SUCLG2: variants seen among roughly 807,000 people sequenced by gnomAD.
SUCLG2 encodes the protein succinate--CoA ligase [GDP-forming] subunit beta, mitochondrial.
Under a neutral mutation model 47.9 loss-of-function variants are expected in SUCLG2, and 42 were observed. That is an observed-to-expected ratio of 0.88 (90% confidence interval 0.69 to 1.14). The LOEUF is 1.14. Ranked by LOEUF, SUCLG2 falls within the 50% of genes most tolerant of loss-of-function variation. The pLI is 0.00. For missense variants in SUCLG2, 571 were observed against 525.9 expected (o/e 1.09, Z -0.84); for synonymous variants, 195 against 197.3 (o/e 0.99, Z 0.10).
chr3:67,650,254 TA>T (rs1388791719), intron 1 of SUCLG2, among the ~76,000 whole-genome samples: 3 of 152,242 alleles, frequency 2.0e-5, no homozygotes, highest in Non-Finnish European at 4.4e-5. Flanking sequence ...AACTTGCCCA[TA>T]ACCTTTAGTC....
At chr3:67,559,564 C>T (rs965022647) in intron 2 of SUCLG2, among the ~76,000 whole-genome samples, 4 of 152,126 alleles carry the variant, frequency 2.6e-5, no homozygotes, top group African/African-American at 9.7e-5. Context: ...CAAATTCCTC[C>T]CTCCATACAG....
At chr3:67,491,885 C>T (rs976519821) in intron 9 of SUCLG2, among the ~76,000 whole-genome samples, 5 of 152,134 alleles carry the variant, frequency 3.3e-5, no homozygotes, top group African/African-American at 1.2e-4. Context: ...GAGGTAAGTA[C>T]TGCTATTATT....
chr3:67,612,714 C>T lies in SUCLG2; in HGVS notation c.85-3118G>A, dbSNP rs116018044. On this transcript the variant is annotated intron_variant, in intron 1 of 10. Coordinates refer to ENST00000307227, the MANE Select transcript of SUCLG2 (RefSeq NM_003848.4). Reference sequence around the variant, plus strand: ...TACTTCAGCTGAAGTTAGGCGATGCCGTATCTACTACCTAGAGTTAGCACC... The same window carrying T: ...TACTTCAGCTGAAGTTAGGCGATGCTGTATCTACTACCTAGAGTTAGCACC... 2.9e-3 allele frequency among the ~76,000 whole-genome samples: 449 copies of T among 152,268 alleles called. 1 individual carries two copies. The highest frequency in any genetic ancestry group is 0.011 in the African/African-American group (441 of 41,550).
intron 6 of SUCLG2, among the ~76,000 whole-genome samples, chr3:67,515,368 T>G (rs1418134348): frequency 6.6e-6 from 1 of 152,194 alleles, no homozygotes; most frequent in Non-Finnish European, 1.5e-5. Context: ...TATATTAAGC[T>G]TTCCTATGTC....
chr3:67,518,214 G>A, intron 6 of SUCLG2, 33 bp downstream of exon 6: 1 of 1,555,712 alleles, frequency 6.4e-7, no homozygotes, highest in Non-Finnish European at 8.8e-7. Context: ...TCTGAAACAA[G>A]TCAGACACAC....
chr3:67,389,850 A>G (rs1013746684), intron 10 of SUCLG2, among the ~76,000 whole-genome samples: 5 of 152,114 alleles, frequency 3.3e-5, no homozygotes, highest in Admixed American at 2.0e-4. Flanking sequence ...TGATGGATGA[A>G]TTTCTCAAGG....
intron 2 of SUCLG2, among the ~76,000 whole-genome samples, chr3:67,568,063 G>A (rs909788317): frequency 6.6e-6 from 1 of 152,196 alleles, no homozygotes; most frequent in African/African-American, 2.4e-5. Context: ...AGTCTTCAGT[G>A]ACTTCTGTTG....
At chr3:67,385,036 C>CT (rs371734364) in intron 10 of SUCLG2, among the ~76,000 whole-genome samples, 3 of 152,344 alleles carry the variant, frequency 2.0e-5, no homozygotes, top group African/African-American at 7.2e-5. Context: ...ACTGAATCAC[C>CT]TGTAAGTCTC....
intron 10 of SUCLG2, among the ~76,000 whole-genome samples, chr3:67,385,921 T>C (rs1185501986): frequency 6.6e-6 from 1 of 152,138 alleles, no homozygotes; most frequent in Non-Finnish European, 1.5e-5. Flanking sequence ...CTAATTAGGT[T>C]GGCTACCTAT....
intron 1 of SUCLG2, 101 bp downstream of exon 1, chr3:67,654,402 G>A (rs1701347272): frequency 9.9e-6 from 10 of 1,008,230 alleles, no homozygotes; most frequent in Non-Finnish European, 1.3e-5. Context: ...CCGAGGGGCC[G>A]CGCAGGGGGT....
intron 7 of SUCLG2, among the ~76,000 whole-genome samples, chr3:67,502,519 A>G (rs1575739017): frequency 6.6e-6 from 1 of 152,168 alleles, no homozygotes; most frequent in East Asian, 1.9e-4. Flanking sequence ...GTTCTACTCT[A>G]GGTGTTGGTG....
rs1415777786 is a variant in SUCLG2, at chr3:67,374,839, AC to A, written c.*904del. ...AAATTGGACATCATGGAAAAAAAAAACACATTCAAATAAGGTTCCCATCTTT... is the reference window on the plus strand; with the variant it reads ...AAATTGGACATCATGGAAAAAAAAAAACATTCAAATAAGGTTCCCATCTTT... On this transcript the variant is annotated 3_prime_UTR_variant, in exon 11 of 11. Transcript: ENST00000307227. 2 of 983,892 alleles carry A rather than the reference AC, an allele frequency of 2.0e-6. No homozygotes were observed. Among genetic ancestry groups the A allele is most frequent in the African/African-American group, 3.5e-5 (2 of 56,812 alleles). The allele number at this position is 983,892 out of a possible 1,614,324, so 60.9% of individuals were successfully genotyped here.
chr3:67,578,283 T>C (rs1320500529), intron 2 of SUCLG2, among the ~76,000 whole-genome samples: 2 of 147,174 alleles, frequency 1.4e-5, no homozygotes, highest in Non-Finnish European at 3.0e-5. Context: ...TAAAATTTTA[T>C]ATATATAAAA....
At chr3:67,567,120 G>A (rs947289673) in intron 2 of SUCLG2, among the ~76,000 whole-genome samples, 1 of 151,982 alleles carries the variant, frequency 6.6e-6, no homozygotes, top group Non-Finnish European at 1.5e-5. Context: ...GGAGGCAGAA[G>A]TTGTAGTGCG....
intron 2 of SUCLG2, among the ~76,000 whole-genome samples, chr3:67,605,766 C>T (rs146210229): frequency 2.0e-5 from 3 of 152,190 alleles, no homozygotes; most frequent in Non-Finnish European, 2.9e-5. Context: ...TCATTCTCAA[C>T]CCTTTATCCA....
chr3:67,601,936 C>T (rs559853797), intron 2 of SUCLG2, among the ~76,000 whole-genome samples: 13 of 152,000 alleles, frequency 8.6e-5, no homozygotes, highest in African/African-American at 2.4e-4. Context: ...GAGCTAAGAT[C>T]GCACCCCCCA....
At chr3:67,599,071 T>C (rs767219280) in intron 2 of SUCLG2, among the ~76,000 whole-genome samples, 14 of 152,344 alleles carry the variant, frequency 9.2e-5, no homozygotes, top group Non-Finnish European at 1.5e-4. Flanking sequence ...ACAACTCTGC[T>C]AAACCTTATA....
At chr3:67,367,849 C>T (rs9832823) in intron 10 of SUCLG2, among the ~76,000 whole-genome samples, 143,648 of 152,298 alleles carry the variant, frequency 0.94, 67,944 homozygotes, top group East Asian at 1. Flanking sequence ...TCTATCTATA[C>T]AGATATGTAT....
At chr3:67,633,609 C>CT (rs1405103088) in intron 1 of SUCLG2, among the ~76,000 whole-genome samples, 3 of 152,142 alleles carry the variant, frequency 2.0e-5, no homozygotes, top group Non-Finnish European at 2.9e-5. Context: ...AGGAAAATAC[C>CT]TAGTTGTAGT....
Sources: gnomAD v4.1 joint callset for allele counts (sites outside exome capture counted in the v4.1 genomes callset) on GRCh38, gnomAD v4.1.1 for gene constraint, MANE v1.5 for transcripts, NCBI Gene and HGNC (gene_info 2026-07-23, HGNC 2026-07-21) for gene names.